APBB2: variants seen among roughly 807,000 people sequenced by gnomAD.
The protein encoded by APBB2 is amyloid beta precursor protein binding family B member 2.
A neutral mutation model predicts 82.5 loss-of-function variants in APBB2; 38 were observed. That is an observed-to-expected ratio of 0.46 (90% CI 0.36 to 0.60). APBB2 has a LOEUF of 0.60. APBB2 is among the 20% of genes least tolerant of loss of function. The probability of loss-of-function intolerance (pLI) is 0.00; values close to 1 mark genes in which losing one functional copy is unlikely to be tolerated. For missense variants in APBB2, 772 were observed against 972.3 expected, an observed-to-expected ratio of 0.79 and a Z score of 2.74; for synonymous variants, 341 against 368.2, an observed-to-expected ratio of 0.93 and a Z score of 0.85.
intron 3 of APBB2, among the ~76,000 whole-genome samples, chr4:41,068,639 C>G (rs575856365): frequency 1.2e-3 from 185 of 152,066 alleles, no homozygotes; most frequent in Non-Finnish European, 2.0e-3. Context: ...AAGTTTTACC[C>G]CTAAGAGTAG....
intron 6 of APBB2, among the ~76,000 whole-genome samples, chr4:41,002,890 C>T (rs931256572): frequency 5.2e-5 from 7 of 134,880 alleles, no homozygotes; most frequent in African/African-American, 2.0e-4. Context: ...ATTTTATATT[C>T]TGCATAGCTC....
intron 6 of APBB2, among the ~76,000 whole-genome samples, chr4:40,956,149 C>T (rs950063519): frequency 6.6e-6 from 1 of 152,056 alleles, no homozygotes; most frequent in Non-Finnish European, 1.5e-5. Context: ...CTACTTAGTC[C>T]CTTTATTTTT....
intron 12 of APBB2, among the ~76,000 whole-genome samples, chr4:40,852,347 T>C (rs1423244168): frequency 8.8e-6 from 1 of 113,888 alleles, no homozygotes; most frequent in Non-Finnish European, 1.7e-5. Flanking sequence ...CAAAACTCTG[T>C]CTTCAAAAAA....
At chr4:41,154,933 C>T (rs191362736) in intron 1 of APBB2, among the ~76,000 whole-genome samples, 30 of 152,284 alleles carry the variant, frequency 2.0e-4, no homozygotes, top group Admixed American at 1.0e-3. Context: ...GCTGGACAGA[C>T]GGGGCACCCT....
chr4:40,869,269 G>A (rs1335366661), intron 12 of APBB2, among the ~76,000 whole-genome samples: 1 of 152,142 alleles, frequency 6.6e-6, no homozygotes, highest in Non-Finnish European at 1.5e-5. Flanking sequence ...GTGTGGTAAT[G>A]GCAAATAATC....
chr4:41,182,711 G>A (rs1771761921), intron 1 of APBB2, among the ~76,000 whole-genome samples: 1 of 152,188 alleles, frequency 6.6e-6, no homozygotes, highest in African/African-American at 2.4e-5. Flanking sequence ...ATGGCAGAAG[G>A]TGAAGGGGAA....
Position 41,014,333 on chromosome 4 carries a change from G to T in APBB2, c.85C>A (p.Arg29=), listed in dbSNP as rs755486791. Residue 29 remains arginine, a synonymous_variant, in exon 6 of 18, where the codon CGG becomes AGG. Coordinates refer to ENST00000508593, the MANE Select transcript of APBB2 (RefSeq NM_004307.2). ...ASSGTTDVTN[R]NSPATPPNTL... The stretch of plus-strand genomic sequence containing the variant: ...TTTGGTGGTGTGGCTGGGCTGTTCC[G>T]ATTTGTGACGTCTGTAGTTCCGCTG... 3.7e-6 allele frequency: 6 copies of T among 1,613,964 alleles called. No homozygotes were observed. In the African/African-American group the frequency reaches 4.0e-5, roughly 11 times the overall value.
In APBB2 at chr4:40,935,125, A is replaced by G; in HGVS notation, c.1059T>C (p.Ser353=). 6.5e-7 allele frequency: 1 copy of G among 1,533,646 alleles called. No homozygotes were observed. The highest frequency in any genetic ancestry group is 1.2e-5 in the South Asian group (1 of 83,734). Residue 353 remains serine (S), a synonymous_variant, in exon 8 of 18, where the codon AGT becomes AGC. Transcript: ENST00000508593. ...PTPENEKQPW[S]DFAVLNGGKI... is the part of the protein sequence containing the mutation. Reference sequence around the variant, plus strand: ...TTCCCCCATTCAGAACAGCAAAATCACTCCATGGCTGTTTCTAGACATATA... The same window carrying G: ...TTCCCCCATTCAGAACAGCAAAATCGCTCCATGGCTGTTTCTAGACATATA...
intron 10 of APBB2, among the ~76,000 whole-genome samples, chr4:40,906,220 G>T (rs1175290468): frequency 6.6e-6 from 1 of 152,012 alleles, no homozygotes; most frequent in East Asian, 1.9e-4. Context: ...ACTTTGGGAG[G>T]CTGAGGTGGC....
chr4:40,823,906 G>GA, intron 15 of APBB2, 147 bp from the exon 16 acceptor site: 1 of 609,884 alleles, frequency 1.6e-6, no homozygotes, highest in Non-Finnish European at 2.9e-6. Context: ...CAACAGGAAT[G>GA]AAATACCAGC....
intron 4 of APBB2, among the ~76,000 whole-genome samples, chr4:41,039,399 C>A (rs1428382827): frequency 6.6e-6 from 1 of 152,144 alleles, no homozygotes; most frequent in Non-Finnish European, 1.5e-5. Context: ...ACACTTAAAT[C>A]CTGTATGATC....
intron 3 of APBB2, among the ~76,000 whole-genome samples, chr4:41,070,294 C>T (rs1194911616): frequency 6.6e-6 from 1 of 152,076 alleles, no homozygotes; most frequent in African/African-American, 2.4e-5. Context: ...TCTTACTGGA[C>T]ACATTTTATT....
chr4:40,955,363 G>C (rs1791336797), intron 6 of APBB2, among the ~76,000 whole-genome samples: 1 of 152,206 alleles, frequency 6.6e-6, no homozygotes, highest in Non-Finnish European at 1.5e-5. Context: ...AGGGGTGAGA[G>C]GTCTGTGATA....
rs1461517703 is a variant in APBB2 at position 40,934,620 on chromosome 4, T to G, written c.1187A>C (p.Lys396Thr). The G allele has an allele frequency of 6.2e-7, 1 of 1,613,892 alleles. No homozygotes were observed. The highest frequency in any genetic ancestry group is 1.3e-5 in the African/African-American group (1 of 74,926). The change falls in exon 9 of 18, where the codon AAA becomes ACA. Residue 396 changes from lysine to threonine, a missense_variant. Transcript: ENST00000508593. ...GATCCTACTAATGTCCTACCTGAGTTTCAAAGATGCATAGCGTAGGGTTGC... is the reference window on the plus strand; with the variant it reads ...GATCCTACTAATGTCCTACCTGAGTGTCAAAGATGCATAGCGTAGGGTTGC... ...EGATLRYASL[K>T]LRNAPHPDDD...
chr4:41,145,178 G>A (rs114559850), intron 1 of APBB2, among the ~76,000 whole-genome samples: 32 of 152,206 alleles, frequency 2.1e-4, no homozygotes, highest in Non-Finnish European at 4.1e-4. Context: ...CTACTCACAG[G>A]AGCAGGGCCC....
chr4:41,033,486 T>A (rs1214683131), intron 4 of APBB2, among the ~76,000 whole-genome samples, 182 bp from the exon 5 acceptor site: 2 of 152,100 alleles, frequency 1.3e-5, no homozygotes, highest in Non-Finnish European at 2.9e-5. Flanking sequence ...AAACTTGAAT[T>A]CCTACTTTGT....
chr4:41,144,301 GA>G (rs1177017659), intron 1 of APBB2, among the ~76,000 whole-genome samples: 14 of 152,024 alleles, frequency 9.2e-5, no homozygotes, highest in African/African-American at 3.4e-4. Context: ...ATCTCGAAAG[GA>G]ACAGCAGAAA....
chr4:40,929,713 T>C (rs1312404482), intron 10 of APBB2, among the ~76,000 whole-genome samples: 1 of 152,204 alleles, frequency 6.6e-6, no homozygotes, highest in Admixed American at 6.5e-5. Context: ...AGAGGAGTAC[T>C]CTAGGATATT....
At chr4:41,033,170 T>C in intron 5 of APBB2, 66 bp downstream of exon 5, 1 of 1,002,962 alleles carries the variant, frequency 1.0e-6, no homozygotes, top group Non-Finnish European at 1.6e-6. Flanking sequence ...CATTAAACAT[T>C]ATCTTTTTTT....
Sources: gnomAD v4.1 joint callset for allele counts (sites outside exome capture counted in the v4.1 genomes callset) on GRCh38, gnomAD v4.1.1 for gene constraint, MANE v1.5 for transcripts, NCBI Gene and HGNC (gene_info 2026-07-23, HGNC 2026-07-21) for gene names.